The following CCDC57 variants were observed in gnomAD, a reference collection of about 807,000 sequenced individuals.
The protein encoded by CCDC57 is coiled-coil domain containing 57, also known as coiled-coil domain-containing protein 57.
CCDC57 carries 118 observed loss-of-function variants against 118.9 expected under a neutral mutation model. That is an observed-to-expected ratio of 0.99 (90% CI 0.86 to 1.16). The LOEUF is 1.16. Among genes scored for constraint, CCDC57 ranks in the 50% most tolerant of loss-of-function variants. The pLI is 0.00. For synonymous variants in CCDC57, 527 were observed against 532.9 expected (o/e 0.99, Z 0.15); for missense variants, 1,300 against 1,320.7 (o/e 0.98, Z 0.24).
chr17:82,137,178 C>T (rs942704357), intron 16 of CCDC57, among the ~76,000 whole-genome samples: 7 of 151,844 alleles, frequency 4.6e-5, no homozygotes, highest in Middle Eastern at 3.4e-3. Flanking sequence ...CCACCATGCC[C>T]GGCTAATTTT....
chr17:82,203,844 G>C (rs944891703), intron 2 of CCDC57, among the ~76,000 whole-genome samples: 1 of 152,194 alleles, frequency 6.6e-6, no homozygotes, highest in African/African-American at 2.4e-5. Flanking sequence ...TGCCAGAGCA[G>C]GAAAAAGCCC....
intron 1 of CCDC57, among the ~76,000 whole-genome samples, chr17:82,210,707 A>G (rs2050116300): frequency 6.6e-6 from 1 of 150,650 alleles, no homozygotes; most frequent in Admixed American, 6.6e-5. Flanking sequence ...ATTAAAAAAA[A>G]AAAAAGGCCG....
intron 16 of CCDC57, among the ~76,000 whole-genome samples, chr17:82,147,298 A>T: frequency 4.4e-5 from 2 of 45,856 alleles, no homozygotes; most frequent in African/African-American, 1.8e-4. Flanking sequence ...GGATGGATGA[A>T]TGGGTGGGTG....
intron 17 of CCDC57, among the ~76,000 whole-genome samples, chr17:82,132,410 T>C (rs966115404): frequency 6.6e-6 from 1 of 151,988 alleles, no homozygotes. Flanking sequence ...GAGGGAGTGT[T>C]CTGGGTTAAA....
chr17:82,200,600 A>T (rs2048878160), intron 3 of CCDC57, among the ~76,000 whole-genome samples: 1 of 152,102 alleles, frequency 6.6e-6, no homozygotes, highest in African/African-American at 2.4e-5. Flanking sequence ...CCTGGGCAAC[A>T]TGGCAAAACC....
chr17:82,151,588 C>G (rs1041064371), exon 16 of CCDC57: 82 of 1,550,246 alleles, frequency 5.3e-5, no homozygotes, highest in Non-Finnish European at 6.6e-5. Context: ...CTGCACGGAG[C>G]CTGTTCCCCA....
intron 19 of CCDC57, among the ~76,000 whole-genome samples, chr17:82,125,854 G>T (rs1325364621): frequency 6.6e-6 from 1 of 152,210 alleles, no homozygotes; most frequent in Non-Finnish European, 1.5e-5. Flanking sequence ...ACTGAGAGTG[G>T]CCGAACGAAC....
intron 19 of CCDC57, chr17:82,113,133 A>G: frequency 1.9e-6 from 1 of 519,410 alleles, no homozygotes; most frequent in Non-Finnish European, 3.4e-6. Context: ...GAAAAGAGCT[A>G]ACAGACATCT....
At chr17:82,178,815 T>C (rs971136429) in intron 10 of CCDC57, among the ~76,000 whole-genome samples, 1 of 152,242 alleles carries the variant, frequency 6.6e-6, no homozygotes, top group Non-Finnish European at 1.5e-5. Context: ...ACCACGCGGC[T>C]GGTCAACTAC....
intron 19 of CCDC57, among the ~76,000 whole-genome samples, chr17:82,124,422 G>C (rs1428690492): frequency 1.3e-5 from 2 of 152,314 alleles, no homozygotes; most frequent in Non-Finnish European, 2.9e-5. Flanking sequence ...ACACGACTCT[G>C]CTGGGCTGGA....
intron 16 of CCDC57, chr17:82,145,783 T>C (rs960564975): frequency 5.4e-5 from 25 of 465,454 alleles, no homozygotes; most frequent in African/African-American, 4.0e-4. Context: ...CTCCCCGCCC[T>C]GGTCTCGGCC....
intron 16 of CCDC57, among the ~76,000 whole-genome samples, chr17:82,136,368 G>A (rs148680194): frequency 5.3e-4 from 81 of 152,236 alleles, no homozygotes; most frequent in African/African-American, 1.6e-3. Flanking sequence ...GAAGTGAAAC[G>A]TCCAGAACAG....
intron 19 of CCDC57, among the ~76,000 whole-genome samples, chr17:82,107,955 A>C (rs1390358721): frequency 6.6e-6 from 1 of 152,194 alleles, no homozygotes; most frequent in South Asian, 2.1e-4. Flanking sequence ...ATCACTCTGC[A>C]CACACCTCAG....
At chr17:82,204,184 C>G (rs2049322822) in intron 2 of CCDC57, among the ~76,000 whole-genome samples, 1 of 152,148 alleles carries the variant, frequency 6.6e-6, no homozygotes, top group African/African-American at 2.4e-5. Flanking sequence ...GCGCCCAGCA[C>G]CCTAGGACCA....
At chr17:82,127,193 G>A (rs969799814) in intron 19 of CCDC57, 111 of 985,352 alleles carry the variant, frequency 1.1e-4, no homozygotes, top group African/African-American at 7.5e-4. Context: ...AAAGCAGGAC[G>A]AGGATGAGGA....
chr17:82,161,086 C>G (rs969966166), intron 14 of CCDC57, among the ~76,000 whole-genome samples: 4 of 152,056 alleles, frequency 2.6e-5, no homozygotes, highest in Non-Finnish European at 5.9e-5. Flanking sequence ...AATGGCTGAC[C>G]AAGACGCACA....
chr17:82,137,643 A>C (rs1211059880), intron 16 of CCDC57, among the ~76,000 whole-genome samples: 1 of 151,518 alleles, frequency 6.6e-6, no homozygotes, highest in African/African-American at 2.4e-5. Context: ...TTGAATTCTA[A>C]ATGTCAAATA....
chr17:82,181,180 G>A (rs144161394), intron 9 of CCDC57, among the ~76,000 whole-genome samples: 1,941 of 152,374 alleles, frequency 0.013, 21 homozygotes, highest in Middle Eastern at 0.034. Flanking sequence ...CCTAGAAGCT[G>A]TGGCTGACAG....
chr17:82,188,175 C>T (rs1038424908), intron 8 of CCDC57, 44 bp downstream of exon 7: 17 of 1,485,834 alleles, frequency 1.1e-5, no homozygotes, highest in South Asian at 2.6e-5. Flanking sequence ...CAGCCACGGC[C>T]GTCCCTGCCC....
Sources: allele counts gnomAD v4.1 joint callset (sites outside exome capture counted in the v4.1 genomes callset), GRCh38; gene constraint gnomAD v4.1.1; transcripts MANE v1.5; gene names NCBI Gene and HGNC (gene_info 2026-07-23, HGNC 2026-07-21).